The following MTMR14 variants were observed in gnomAD, a reference collection of about 807,000 sequenced individuals.
MTMR14 encodes the protein phosphatidylinositol-3,5-bisphosphate 3-phosphatase MTMR14.
Under a neutral mutation model 86.3 loss-of-function variants are expected in MTMR14, and 48 were observed. The ratio of observed to expected loss-of-function variants is 0.56; its 90% CI spans 0.44 to 0.71. MTMR14 has a LOEUF of 0.71. Ranked by LOEUF, MTMR14 falls within the 30% of genes least tolerant of loss-of-function variation. The pLI is 0.00. For missense variants in MTMR14, 780 were observed against 834.6 expected (o/e 0.93, Z 0.81); for synonymous variants, 366 against 326.1 (o/e 1.12, Z -1.32).
intron 17 of MTMR14, among the ~76,000 whole-genome samples, chr3:9,694,575 A>G (rs972210127): frequency 2.6e-5 from 4 of 152,196 alleles, no homozygotes; most frequent in South Asian, 2.1e-4. Context: ...GTAAATACTC[A>G]TAGTAGATAC....
At position 9,653,687 on chromosome 3, in the gene MTMR14, A is replaced by G. The variant is rs754240878; in HGVS notation, c.226A>G (p.Asn76Asp). Residue 76 changes from asparagine (N) to aspartate (D), a missense_variant, in exon 2 of 19, where the codon AAC becomes GAC. Coordinates refer to ENST00000296003, the MANE Select transcript of MTMR14 (RefSeq NM_001077525.3). Reference sequence around the variant, plus strand: ...AGACTACTGTTTCAGCGTGATTCCAAACACGAATGGGGATATCTGTGGCCA... The same window carrying G: ...AGACTACTGTTTCAGCGTGATTCCAGACACGAATGGGGATATCTGTGGCCA... ...GRDYCFSVIP[N>D]TNGDICGHYP... is the part of the protein sequence containing the mutation. 6.2e-7 allele frequency: 1 copy of G among 1,614,122 alleles called. No individual in the cohort carries two copies. The highest frequency in any genetic ancestry group is 8.5e-7 in the Non-Finnish European group (1 of 1,180,040).
At chr3:9,687,982 G>A (rs781477846) in intron 14 of MTMR14, 91 bp downstream of exon 14, 9 of 1,088,190 alleles carry the variant, frequency 8.3e-6, no homozygotes, top group Admixed American at 2.0e-5. Context: ...CCTCATTCCC[G>A]CCCTGCCTCC....
At chr3:9,660,189 A>T (rs1302120683) in intron 2 of MTMR14, among the ~76,000 whole-genome samples, 2 of 152,020 alleles carry the variant, frequency 1.3e-5, no homozygotes, top group African/African-American at 4.8e-5. Flanking sequence ...GGAAGGCAGC[A>T]CACTCTGGTT....
intron 13 of MTMR14, 44 bp downstream of exon 13, chr3:9,685,291 AAG>A (rs1040847874): frequency 2.5e-6 from 4 of 1,611,770 alleles, no homozygotes; most frequent in African/African-American, 2.7e-5. Flanking sequence ...TCAGCACTGA[AAG>A]AGGGGCAGTG....
At chr3:9,678,192 C>G (rs976772992) in intron 9 of MTMR14, 134 bp downstream of exon 9, 24 of 735,348 alleles carry the variant, frequency 3.3e-5, no homozygotes, top group Middle Eastern at 2.9e-4. Flanking sequence ...CTTTGGCCCT[C>G]TGTCCTCTCA....
chr3:9,662,407 G>A (rs751471121), intron 3 of MTMR14, 32 bp downstream of exon 3: 43 of 1,571,008 alleles, frequency 2.7e-5, no homozygotes, highest in South Asian at 5.5e-5. Context: ...CATGCTCCAC[G>A]ACTCTCTTCT....
chr3:9,679,180 G>A (rs983903893), intron 9 of MTMR14, among the ~76,000 whole-genome samples: 7 of 152,220 alleles, frequency 4.6e-5, no homozygotes, highest in Admixed American at 3.9e-4. Context: ...CTGTTTGAGT[G>A]TATGAAGTAG....
chr3:9,690,006 C>T lies in MTMR14; in HGVS notation c.1476C>T (p.Asn492=). ...HSSSPQSVLW[N]RPQPSEDRLP... is the part of the protein sequence containing the mutation. ...CCTCTCCACAGAGTGTCCTCTGGAA[C>T]CGGCCACAACCCTCAGAGGACCGCT... Residue 492 remains asparagine, a synonymous_variant, in exon 17 of 19, where the codon AAC becomes AAT. Transcript: ENST00000296003. 6.2e-7 allele frequency: 1 copy of T among 1,611,932 alleles called. No individual in the cohort carries two copies. Among genetic ancestry groups the T allele is most frequent in the South Asian group, 1.1e-5 (1 of 90,808 alleles).
At chr3:9,667,853 C>T (rs2048338957) in intron 3 of MTMR14, among the ~76,000 whole-genome samples, 1 of 152,202 alleles carries the variant, frequency 6.6e-6, no homozygotes, top group Non-Finnish European at 1.5e-5. Flanking sequence ...CAGGGATCCA[C>T]TTTCCATTTG....
chr3:9,650,785 C>CTT (rs111650884), intron 1 of MTMR14, among the ~76,000 whole-genome samples: 3 of 139,852 alleles, frequency 2.1e-5, no homozygotes, highest in African/African-American at 2.6e-5. Flanking sequence ...CTGGAATTTG[C>CTT]TTTTTTTTTT....
intron 10 of MTMR14, 144 bp downstream of exon 10, chr3:9,683,388 A>G (rs1274814261): frequency 2.6e-6 from 2 of 768,320 alleles, no homozygotes; most frequent in Admixed American, 4.5e-5. Context: ...CTAGAATCCC[A>G]GAGGCTGGGT....
chr3:9,695,758 T>C (rs967059570), intron 17 of MTMR14, among the ~76,000 whole-genome samples: 23 of 152,338 alleles, frequency 1.5e-4, no homozygotes, highest in African/African-American at 5.3e-4. Flanking sequence ...TTTTAGCTGT[T>C]GTTTTCCCAC....
chr3:9,657,450 C>G (rs893261569), intron 2 of MTMR14, among the ~76,000 whole-genome samples: 2 of 152,082 alleles, frequency 1.3e-5, no homozygotes, highest in African/African-American at 4.8e-5. Flanking sequence ...GAGACTGAAA[C>G]TAGTATTTGT....
rs1043365976 is a variant in MTMR14, at chr3:9,702,367, TAAAATC to T, written c.*398_*403del. ...AGGCAGTTTGACACAGATCACAAAA[TAAAATC>T]AAAGTCTTTTTGAATAGCCACTCTT... is the stretch of plus-strand genomic sequence containing the variant. On this transcript the variant is annotated 3_prime_UTR_variant, in exon 19 of 19. Transcript: ENST00000296003. 22 of 294,564 alleles carry T rather than the reference TAAAATC, an allele frequency of 7.5e-5. No homozygotes were observed. Among genetic ancestry groups the T allele is most frequent in the African/African-American group, 3.0e-4 (14 of 46,656 alleles). The allele number at this position is 294,564 out of a possible 1,614,324, so 18.2% of individuals were successfully genotyped here. A position where few individuals can be genotyped will look rare whatever the true frequency, so the allele number is the denominator to read the frequency against.
At position 9,701,880 on chromosome 3, in the gene MTMR14, A is replaced by G; in HGVS notation, c.1860A>G (p.Ala620=). The change falls in exon 19 of 19, where the codon GCA becomes GCG. Residue 620 remains alanine, a synonymous_variant. Coordinates refer to ENST00000296003, the MANE Select transcript of MTMR14 (RefSeq NM_001077525.3). The surrounding 1 kb of genome is among the most constrained non-coding windows in gnomAD (Gnocchi z 4.2). ...AAYSSTVGLR[A]VAPSPSGAIG... ...ACAGCAGCACAGTGGGGCTTCGGGC[A>G]GTAGCCCCCAGTCCTTCCGGTGCCA... 1 of 1,614,090 alleles carries G rather than the reference A, an allele frequency of 6.2e-7. No individual in the cohort carries two copies. The highest frequency in any genetic ancestry group is 8.5e-7 in the Non-Finnish European group (1 of 1,180,038).
intron 2 of MTMR14, among the ~76,000 whole-genome samples, chr3:9,654,495 A>G (rs1386014188): frequency 6.6e-6 from 1 of 152,200 alleles, no homozygotes; most frequent in Non-Finnish European, 1.5e-5. Context: ...TGTGGCCTGT[A>G]GGTAGTCAGT....
intron 18 of MTMR14, among the ~76,000 whole-genome samples, chr3:9,698,431 C>G (rs1348712692): frequency 6.6e-6 from 1 of 152,274 alleles, no homozygotes; most frequent in Admixed American, 6.5e-5. Flanking sequence ...GCAGCTGCCT[C>G]TGGGGAAACC....
At chr3:9,657,988 C>T (rs1433944943) in intron 2 of MTMR14, among the ~76,000 whole-genome samples, 2 of 152,198 alleles carry the variant, frequency 1.3e-5, no homozygotes, top group Admixed American at 6.5e-5. Flanking sequence ...TTCACCACCA[C>T]GGCTCTCCCA....
Position 9,676,646 on chromosome 3 carries a change from T to G in MTMR14, c.752-671T>G, listed in dbSNP as rs140922630. 7.7e-4 allele frequency among the ~76,000 whole-genome samples: 118 copies of G among 152,312 alleles called. 4 individuals are homozygous for G. The East Asian group carries it at 0.022, about 28-fold the overall frequency. On this transcript the variant is annotated intron_variant, in intron 7 of 18. Transcript: ENST00000296003. ...AGCGTTACAGTGTTAAGTAAAAAGC[T>G]GAGATTTTAAGCTGGGAATGTTGCC...
Sources: gnomAD v4.1 joint callset for allele counts (sites outside exome capture counted in the v4.1 genomes callset) on GRCh38, gnomAD v4.1.1 for gene constraint, Gnocchi (gnomAD v3.1) non-coding constraint, MANE v1.5 for transcripts, NCBI Gene and HGNC (gene_info 2026-07-23, HGNC 2026-07-21) for gene names.